The following STK26 variants were observed in gnomAD, a reference collection of about 807,000 sequenced individuals.
STK26 encodes serine/threonine-protein kinase 26.
STK26 carries 14 observed loss-of-function variants against 34.7 expected under a neutral mutation model. The ratio of observed to expected loss-of-function variants is 0.40; its 90% confidence interval spans 0.27 to 0.63. The LOEUF is 0.63. Ranked by LOEUF, STK26 falls within the 30% of genes least tolerant of loss-of-function variation. STK26 has a pLI of 0.38. For synonymous variants in STK26, 100 were observed against 109.8 expected (o/e 0.91, Z 0.56); for missense variants, 226 against 309.1 (o/e 0.73, Z 2.02).
chrX:132,062,253 A>G (rs943679165), intron 3 of STK26, among the ~76,000 whole-genome samples: 2 of 112,365 alleles, frequency 1.8e-5, no homozygotes, highest in African/African-American at 6.5e-5. Context: ...ACAAAAATTC[A>G]GAGAATACCA....
At chrX:132,024,695 T>A (rs1935060066) in intron 2 of STK26, among the ~76,000 whole-genome samples, 1 of 110,898 alleles carries the variant, frequency 9.0e-6, no homozygotes, top group African/African-American at 3.3e-5. Flanking sequence ...CTTATATTTC[T>A]AGTAGAAATC....
In STK26 at chrX:132,075,013, A is replaced by G. The variant is rs1451758810; in HGVS notation, c.*854A>G. On this transcript the variant is annotated 3_prime_UTR_variant, in exon 12 of 12. Transcript: ENST00000394334. ...ATAAAGCTGATTGTCATGTGATTAA[A>G]TATCTGATCAACAGGTATGAATATA... 1 of 111,884 alleles carries G rather than the reference A, an allele frequency of 8.9e-6. No homozygotes were observed. The highest frequency in any genetic ancestry group is 3.2e-5 in the African/African-American group (1 of 30,822). The allele number at this position is 111,884 out of a possible 1,213,427, so 9.2% of individuals were successfully genotyped here.
intron 2 of STK26, among the ~76,000 whole-genome samples, chrX:132,025,458 C>G (rs1935078997): frequency 1.8e-5 from 2 of 111,530 alleles, no homozygotes; most frequent in African/African-American, 6.5e-5. Flanking sequence ...TGATTGCTCC[C>G]TGCTTTTAAT....
intron 2 of STK26, among the ~76,000 whole-genome samples, chrX:132,035,589 T>C (rs1190197688): frequency 9.1e-6 from 1 of 109,703 alleles, no homozygotes; most frequent in African/African-American, 3.3e-5. Flanking sequence ...TGGTTAGGTG[T>C]TTACTGTAGT....
At chrX:132,055,555 G>A (rs1926829638) in intron 3 of STK26, 1 of 1,070,496 alleles carries the variant, frequency 9.3e-7, no homozygotes, top group Non-Finnish European at 1.3e-6. Context: ...GGGTTCCAGA[G>A]TTAGAAGTCA....
At chrX:132,027,970 C>G (rs946881399) in intron 2 of STK26, among the ~76,000 whole-genome samples, 25 of 108,172 alleles carry the variant, frequency 2.3e-4, no homozygotes, top group African/African-American at 7.1e-4. Flanking sequence ...ATCCACCCAT[C>G]TCAGCCTCCA....
At chrX:132,056,393 TC>T (rs1926859206) in intron 3 of STK26, among the ~76,000 whole-genome samples, 1 of 112,055 alleles carries the variant, frequency 8.9e-6, no homozygotes, top group Non-Finnish European at 1.9e-5. Flanking sequence ...GGAGTATAGT[TC>T]CTGTGCAGCT....
chrX:132,063,586 A>G, intron 4 of STK26, 97 bp downstream of exon 4: 6 of 780,667 alleles, frequency 7.7e-6, no homozygotes, highest in Non-Finnish European at 1.1e-5. Flanking sequence ...TGAGCACGCT[A>G]AGTGGTTGCT....
At chrX:132,034,569 C>T (rs774453354) in intron 2 of STK26, among the ~76,000 whole-genome samples, 2 of 111,436 alleles carry the variant, frequency 1.8e-5, no homozygotes, top group South Asian at 7.4e-4. Context: ...GCTGGGATTA[C>T]AGGCGTGAGC....
chrX:132,041,855 A>G (rs5933053), intron 2 of STK26, among the ~76,000 whole-genome samples: 35,909 of 110,546 alleles, frequency 0.32, 4,619 homozygotes, highest in African/African-American at 0.42. Flanking sequence ...TAAATAGACA[A>G]GGACTATAAA....
intron 4 of STK26, among the ~76,000 whole-genome samples, chrX:132,064,032 G>GA (rs1487472068): frequency 9.0e-6 from 1 of 111,382 alleles, no homozygotes; most frequent in Admixed American, 9.5e-5. Context: ...AGAGCTCTCT[G>GA]ACTTTCTTTC....
In STK26 at chrX:132,064,067, G is replaced by T. The variant is rs755814144; in HGVS notation, c.330+578G>T. Among the ~76,000 whole-genome samples the T allele has an allele frequency of 3.6e-5, 4 of 111,711 alleles. No homozygotes were observed. The South Asian group carries it at 1.5e-3, about 42-fold the overall frequency. On this transcript the variant is annotated intron_variant, in intron 4 of 11. Coordinates refer to ENST00000394334, the MANE Select transcript of STK26 (RefSeq NM_016542.4). Reference sequence around the variant, plus strand: ...CCACCACGAGAGGGTGCAGTGAGAAGAAGGCCTTCTGGAAACCAGGAAGAG... The same window carrying T: ...CCACCACGAGAGGGTGCAGTGAGAATAAGGCCTTCTGGAAACCAGGAAGAG...
chrX:132,032,885 G>A (rs1268264984), intron 2 of STK26, among the ~76,000 whole-genome samples: 5 of 111,239 alleles, frequency 4.5e-5, no homozygotes, highest in Non-Finnish European at 9.4e-5. Context: ...AATCCTAGGA[G>A]TGAATTTTTG....
intron 2 of STK26, among the ~76,000 whole-genome samples, chrX:132,038,865 C>T (rs986435634): frequency 2.7e-5 from 3 of 111,226 alleles, no homozygotes; most frequent in Admixed American, 1.9e-4. Flanking sequence ...TTTTTAGCAC[C>T]ACTTGATTTA....
chrX:132,051,600 A>AT (rs1926691947), intron 2 of STK26, among the ~76,000 whole-genome samples: 1 of 111,344 alleles, frequency 9.0e-6, no homozygotes, highest in Non-Finnish European at 1.9e-5. Flanking sequence ...CCATTTCAGT[A>AT]TTTTTTTATT....
intron 2 of STK26, among the ~76,000 whole-genome samples, chrX:132,044,627 T>TTCTC (rs202173059): frequency 0.077 from 3,312 of 43,077 alleles, 320 homozygotes; most frequent in East Asian, 0.14. Context: ...GATGTTCAAA[T>TTCTC]TCTCTCTCTC....
At chrX:132,028,543 C>T (rs767084704) in intron 2 of STK26, among the ~76,000 whole-genome samples, 17 of 111,520 alleles carry the variant, frequency 1.5e-4, no homozygotes, top group African/African-American at 3.3e-4. Context: ...TACTCTATGC[C>T]GGGCACTTCA....
rs367783889 is a variant in STK26 at position 132,074,150 on chromosome X, A to G, written c.1242A>G (p.Glu414=). The part of the protein sequence containing the change: ...IEKFQKCSAD[E]SP ...AATTTTATAGGTGTTCAGCAGACGA[A>G]TCCCCCTAAGAAACTTATTATTGGC... The change falls in exon 12 of 12, where the codon GAA becomes GAG. Residue 414 remains glutamate, a synonymous_variant. Transcript: ENST00000394334. 2.5e-6 allele frequency: 3 copies of G among 1,205,912 alleles called. No individual in the cohort carries two copies.
Position 132,068,472 on chromosome X carries a change from G to A in STK26, c.500G>A (p.Gly167Asp). 2 of 1,210,868 alleles carry A rather than the reference G, an allele frequency of 1.7e-6. No individual in the cohort carries two copies. Among genetic ancestry groups the A allele is most frequent in the Non-Finnish European group, 2.2e-6 (2 of 895,042 alleles). ...DVKLADFGVA[G>D]QLTDTQIKRN... ...AAACTTGCTGATTTTGGAGTTGCTG[G>A]TCAGCTGACAGATACACAGATTAAA... The change falls in exon 6 of 12, where the codon GGT becomes GAT. Residue 167 changes from glycine (G) to aspartate (D), a missense_variant. Gly to Asp is a moderately conservative substitution (Grantham distance 94). This residue lies in a region of STK26 where 100 missense variants were observed against 176.7 expected (regional missense o/e 0.57). Coordinates refer to ENST00000394334, the MANE Select transcript of STK26 (RefSeq NM_016542.4).
Sources: gnomAD v4.1 joint callset for allele counts (sites outside exome capture counted in the v4.1 genomes callset) on GRCh38, gnomAD v4.1.1 for gene constraint, gnomAD v4.1.1 regional missense constraint, MANE v1.5 for transcripts, NCBI Gene and HGNC (gene_info 2026-07-23, HGNC 2026-07-21) for gene names.